The following GLI3 variants were observed in gnomAD, a reference collection of about 807,000 sequenced individuals.
The protein encoded by GLI3 is transcription activator GLI3.
In GLI3, 20 loss-of-function variants were observed where a neutral mutation model predicts 100.8. The ratio of observed to expected loss-of-function variants is 0.20; its 90% CI spans 0.14 to 0.29. The LOEUF (loss-of-function observed/expected upper bound fraction) is 0.29, where lower values mean the gene tolerates loss of function less well. Among genes scored for constraint, GLI3 ranks in the 10% least tolerant of loss-of-function variants. The probability of loss-of-function intolerance (pLI) is 1.00; values close to 1 mark genes in which losing one functional copy is unlikely to be tolerated. For synonymous variants in GLI3, 938 were observed against 860.5 expected, an observed-to-expected ratio of 1.09 and a Z score of -1.58; for missense variants, 2,040 against 2,128.5, an observed-to-expected ratio of 0.96 and a Z score of 0.82.
At chr7:42,000,340 A>G (rs1788251162) in intron 10 of GLI3, among the ~76,000 whole-genome samples, 1 of 152,242 alleles carries the variant, frequency 6.6e-6, no homozygotes, top group African/African-American at 2.4e-5. Context: ...TTCTAATTCA[A>G]AGCTCTAGAA....
intron 3 of GLI3, among the ~76,000 whole-genome samples, chr7:42,118,551 C>T (rs1463897989): frequency 6.6e-6 from 1 of 152,156 alleles, no homozygotes; most frequent in Non-Finnish European, 1.5e-5. Flanking sequence ...TCTGTGGGGC[C>T]CAGGGGGCCA....
At chr7:42,001,268 A>G (rs1400748743) in intron 10 of GLI3, among the ~76,000 whole-genome samples, 21 of 149,920 alleles carry the variant, frequency 1.4e-4, no homozygotes, top group African/African-American at 2.4e-4. Flanking sequence ...AAAAAAAAAA[A>G]GGGGAAACAA....
At chr7:42,235,952 T>A (rs146601587) in intron 1 of GLI3, among the ~76,000 whole-genome samples, 3,089 of 152,034 alleles carry the variant, frequency 0.02, 38 homozygotes, top group Non-Finnish European at 0.028. Context: ...AGATGAGAAG[T>A]TGGGGCAGGA....
intron 7 of GLI3, among the ~76,000 whole-genome samples, chr7:42,037,247 C>T (rs893472832): frequency 2.6e-5 from 4 of 152,176 alleles, no homozygotes; most frequent in South Asian, 2.1e-4. Context: ...GTCAGCATGT[C>T]GCAGAGGCTA....
chr7:42,139,574 G>T lies in GLI3; in HGVS notation c.367+8652C>A, dbSNP rs1163845425. ...CATGCCTGTAATCCCAGCTACTCAG[G>T]AGGCTGAGGCAAGAGAATCACTTGA... On this transcript the variant is annotated intron_variant, in intron 3 of 14. Coordinates refer to ENST00000395925, the MANE Select transcript of GLI3 (RefSeq NM_000168.6). 2.6e-5 allele frequency among the ~76,000 whole-genome samples: 4 copies of T among 152,296 alleles called. No individual in the cohort carries two copies. The East Asian group carries it at 5.8e-4, about 22-fold the overall frequency.
rs774782546 is a variant in GLI3 at position 42,001,257 on chromosome 7, T to TA, written c.1497+22210dup. ...GTCTCAAAAAAAAAAAAAAAAAAGT[T>TA]AAAAAAAAAAAGGGGAAACAAACAC... On this transcript the variant is annotated intron_variant, in intron 10 of 14. Transcript: ENST00000395925. Among the ~76,000 whole-genome samples the TA allele has an allele frequency of 7.4e-3, 943 of 127,236 alleles. 9 individuals carry two copies. The highest frequency in any genetic ancestry group is 0.014 in the East Asian group (55 of 4,038). The allele number at this position is 127,236 out of a possible 152,430, so 83.5% of individuals were successfully genotyped here. A position where few individuals can be genotyped will look rare whatever the true frequency, so the allele number is the denominator to read the frequency against.
At chr7:42,059,333 A>T (rs1015426091) in intron 4 of GLI3, among the ~76,000 whole-genome samples, 4 of 151,672 alleles carry the variant, frequency 2.6e-5, no homozygotes, top group African/African-American at 7.3e-5. Flanking sequence ...ACATTTTCTT[A>T]TCTTCTTCCC....
chr7:42,085,497 T>G (rs1430719993), intron 3 of GLI3, among the ~76,000 whole-genome samples: 3 of 152,214 alleles, frequency 2.0e-5, no homozygotes, highest in Non-Finnish European at 4.4e-5. Flanking sequence ...TCTTCTTAAG[T>G]TCTATTATCA....
At chr7:42,122,608 A>G (rs1786029586) in intron 3 of GLI3, among the ~76,000 whole-genome samples, 1 of 152,224 alleles carries the variant, frequency 6.6e-6, no homozygotes, top group Admixed American at 6.5e-5. Context: ...GTCAGCCAGC[A>G]AAGGGCTGAG....
At chr7:42,087,739 C>T (rs892061417) in intron 3 of GLI3, among the ~76,000 whole-genome samples, 3 of 147,098 alleles carry the variant, frequency 2.0e-5, no homozygotes, top group South Asian at 2.1e-4. Context: ...TCATCAATAA[C>T]ATCAAAGGCT....
intron 10 of GLI3, among the ~76,000 whole-genome samples, chr7:42,008,088 C>T (rs1788507736): frequency 1.3e-5 from 2 of 152,164 alleles, no homozygotes; most frequent in Non-Finnish European, 1.5e-5. Context: ...CACTCAGGTT[C>T]GAGTGGGACT....
At chr7:42,104,330 G>A (rs140740617) in intron 3 of GLI3, among the ~76,000 whole-genome samples, 78 of 152,288 alleles carry the variant, frequency 5.1e-4, no homozygotes, top group Non-Finnish European at 8.5e-4. Context: ...CTCCTGTGAA[G>A]ACGCCCTGAC....
At chr7:42,052,797 G>C (rs1242065300) in intron 4 of GLI3, among the ~76,000 whole-genome samples, 1 of 152,176 alleles carries the variant, frequency 6.6e-6, no homozygotes, top group African/African-American at 2.4e-5. Context: ...TCGTGAGCTG[G>C]GTTAGCATAT....
intron 2 of GLI3, among the ~76,000 whole-genome samples, chr7:42,182,662 A>ATATATATATATATACATACATGTGTG (rs1554337069): frequency 9.1e-5 from 7 of 76,742 alleles, no homozygotes; most frequent in African/African-American, 4.7e-4. Context: ...ATATATATAT[A>ATATATATATATATACATACATGTGTG]TATATATATA....
intron 4 of GLI3, among the ~76,000 whole-genome samples, chr7:42,076,018 T>A (rs1784872121): frequency 6.6e-6 from 1 of 152,206 alleles, no homozygotes; most frequent in African/African-American, 2.4e-5. Context: ...AATGTATATA[T>A]CAAGGCCGTT....
intron 3 of GLI3, among the ~76,000 whole-genome samples, chr7:42,101,739 GGTTA>G (rs1335273121): frequency 1.3e-5 from 2 of 150,134 alleles, no homozygotes; most frequent in African/African-American, 4.9e-5. Flanking sequence ...ACATTGTGCA[GGTTA>G]GTTACATACA....
In GLI3 at chr7:42,048,808, C is replaced by T. The variant is rs144924133; in HGVS notation, c.474-112G>A. The T allele has an allele frequency of 4.6e-4, 356 of 779,580 alleles. No homozygotes were observed. In the African/African-American group the frequency reaches 5.9e-3, roughly 13 times the overall value. The allele number at this position is 779,580 out of a possible 1,614,324, so 48.3% of individuals were successfully genotyped here. On this transcript the variant is annotated intron_variant, in intron 4 of 14. Coordinates refer to ENST00000395925, the MANE Select transcript of GLI3 (RefSeq NM_000168.6). ...AGATTTTAAGTGAATTCAAAGGAGCCTTGTGGAAAAAACTGCAGGCAAATA... is the reference window on the plus strand; with the variant it reads ...AGATTTTAAGTGAATTCAAAGGAGCTTTGTGGAAAAAACTGCAGGCAAATA...
intron 3 of GLI3, among the ~76,000 whole-genome samples, chr7:42,132,074 A>ATTATTTAT (rs57779364): frequency 0.081 from 12,252 of 151,050 alleles, 1,538 homozygotes; most frequent in African/African-American, 0.27. Flanking sequence ...TCAGGACTTC[A>ATTATTTAT]TTATTTATTT....
chr7:42,263,929 T>G (rs1013534230), intron 1 of GLI3, among the ~76,000 whole-genome samples: 6 of 152,194 alleles, frequency 3.9e-5, no homozygotes, highest in African/African-American at 1.4e-4. Context: ...TAAAATGATT[T>G]GCAGAGGTTA....
Sources: allele counts gnomAD v4.1 joint callset (sites outside exome capture counted in the v4.1 genomes callset), GRCh38; gene constraint gnomAD v4.1.1; transcripts MANE v1.5; gene names NCBI Gene and HGNC (gene_info 2026-07-23, HGNC 2026-07-21).